The following ASB4 variants were observed in gnomAD, a reference collection of about 807,000 sequenced individuals.
The protein encoded by ASB4 is ankyrin repeat and SOCS box protein 4.
In ASB4, 35 loss-of-function variants were observed where a neutral mutation model predicts 38.6. The ratio of observed to expected loss-of-function variants is 0.91; its 90% confidence interval spans 0.69 to 1.20. ASB4 has a LOEUF of 1.20. Ranked by LOEUF, ASB4 falls within the 50% of genes most tolerant of loss-of-function variation. ASB4 has a pLI of 0.00. For synonymous variants in ASB4, 195 were observed against 201.3 expected (o/e 0.97, Z 0.26); for missense variants, 557 against 527.2 (o/e 1.06, Z -0.55).
rs187257110 is a variant in ASB4 at position 95,492,411 on chromosome 7, G to A, written c.188-3347G>A. Among the ~76,000 whole-genome samples the A allele has an allele frequency of 2.0e-5, 3 of 152,310 alleles. No individual in the cohort carries two copies. In the East Asian group the frequency reaches 5.8e-4, roughly 29 times the overall value. On this transcript the variant is annotated intron_variant, in intron 1 of 4. Transcript: ENST00000325885. ...TGTGATTTGTGAAGCAGGCTTGGAG[G>A]TAATTCTATTCTGCTTCCACAAAGA...
rs750696626 is a variant in ASB4, at chr7:95,528,251, A to C, written c.926A>C (p.Gln309Pro). 1.2e-6 allele frequency: 2 copies of C among 1,614,150 alleles called. No homozygotes were observed. ...GCTGCCCAGCCTGAGATCTGCTACC[A>C]GCTCCTGTTGAACCATGGGGCTGCC... ...RPAAQPEICY[Q>P]LLLNHGAARI... Residue 309 changes from glutamine to proline, a missense_variant, in exon 3 of 5, where the codon CAG (glutamine) becomes CCG (proline). Physicochemically the swap from Gln to Pro is moderately conservative, Grantham distance 76. Coordinates refer to ENST00000325885, the MANE Select transcript of ASB4 (RefSeq NM_016116.3).
chr7:95,545,727 A>G, the ASB4 span, among the ~76,000 whole-genome samples: 2 of 152,196 alleles, frequency 1.3e-5, no homozygotes, highest in Non-Finnish European at 2.9e-5. Flanking sequence ...CAAGAATAGC[A>G]TTTGTTGTCT....
At chr7:95,487,572 A>G (rs968251002) in intron 1 of ASB4, among the ~76,000 whole-genome samples, 2 of 152,206 alleles carry the variant, frequency 1.3e-5, no homozygotes, top group Non-Finnish European at 2.9e-5. Context: ...GATATAAGAA[A>G]CCAAGTTTTA....
At chr7:95,493,054 C>T (rs1790194682) in intron 1 of ASB4, among the ~76,000 whole-genome samples, 1 of 152,166 alleles carries the variant, frequency 6.6e-6, no homozygotes, top group African/African-American at 2.4e-5. Flanking sequence ...TGCTCCCCAG[C>T]CCAGACTGTC....
the ASB4 span, among the ~76,000 whole-genome samples, chr7:95,550,399 T>G: frequency 1.3e-5 from 2 of 151,750 alleles, no homozygotes; most frequent in African/African-American, 4.8e-5. Context: ...TATAAGAGAG[T>G]CTGATCAGTG....
chr7:95,498,409 A>G (rs1790282656), intron 2 of ASB4, among the ~76,000 whole-genome samples: 1 of 152,178 alleles, frequency 6.6e-6, no homozygotes. Context: ...TTGTAATGGT[A>G]TCTCATTGTT....
upstream of ASB4, among the ~76,000 whole-genome samples, chr7:95,476,518 T>A (rs565656082): frequency 6.6e-6 from 1 of 152,298 alleles, no homozygotes; most frequent in East Asian, 1.9e-4. Context: ...CCTGGAGCAA[T>A]CAAGGGGCAG....
intron 1 of ASB4, among the ~76,000 whole-genome samples, chr7:95,479,433 T>C (rs986718697): frequency 6.6e-6 from 1 of 152,208 alleles, no homozygotes; most frequent in Non-Finnish European, 1.5e-5. Flanking sequence ...GTATGCTTAG[T>C]CCACAGAATT....
chr7:95,502,476 A>G (rs1384421120), intron 2 of ASB4, among the ~76,000 whole-genome samples: 1 of 152,140 alleles, frequency 6.6e-6, no homozygotes, highest in Non-Finnish European at 1.5e-5. Context: ...TTAGGGACCA[A>G]TTCTAGGCAG....
chr7:95,548,517 GTTA>G, the ASB4 span, among the ~76,000 whole-genome samples: 3 of 152,152 alleles, frequency 2.0e-5, no homozygotes, highest in Admixed American at 2.0e-4. Context: ...AAACTTTTGT[GTTA>G]TTATTTGTAA....
At chr7:95,482,422 C>G (rs1790028359), upstream of ASB4, among the ~76,000 whole-genome samples, 1 of 152,146 alleles carries the variant, frequency 6.6e-6, no homozygotes. Flanking sequence ...TGGCCTTTGA[C>G]CTTGAGGGCC....
chr7:95,517,796 G>A (rs922393731), intron 2 of ASB4, among the ~76,000 whole-genome samples: 4 of 151,944 alleles, frequency 2.6e-5, no homozygotes, highest in African/African-American at 9.7e-5. Flanking sequence ...GTGAGACAGT[G>A]GATGTGGAAA....
At chr7:95,501,611 C>T (rs1790338517) in intron 2 of ASB4, among the ~76,000 whole-genome samples, 2 of 152,196 alleles carry the variant, frequency 1.3e-5, no homozygotes, top group Non-Finnish European at 2.9e-5. Context: ...ACTTATTCAT[C>T]ATCCGGTGTA....
intron 2 of ASB4, among the ~76,000 whole-genome samples, chr7:95,502,550 T>G (rs770594349): frequency 1.1e-4 from 16 of 152,114 alleles, no homozygotes; most frequent in Non-Finnish European, 1.9e-4. Context: ...AGATGTTATC[T>G]CTGAACTAGG....
At chr7:95,486,203 TA>T (rs761971361) in intron 1 of ASB4, 45 bp downstream of exon 1, 143 of 1,500,268 alleles carry the variant, frequency 9.5e-5, no homozygotes, top group Non-Finnish European at 1.2e-4. Flanking sequence ...GAAAATGATT[TA>T]AAAAAATGCA....
intron 2 of ASB4, among the ~76,000 whole-genome samples, chr7:95,516,976 T>A (rs1790592627): frequency 6.6e-6 from 1 of 152,218 alleles, no homozygotes; most frequent in Non-Finnish European, 1.5e-5. Flanking sequence ...TCTATCCAAC[T>A]ATATATAATC....
chr7:95,484,902 A>G (rs1443308123), upstream of ASB4, among the ~76,000 whole-genome samples: 1 of 151,758 alleles, frequency 6.6e-6, no homozygotes, highest in Non-Finnish European at 1.5e-5. Flanking sequence ...TAGATTCACC[A>G]AGTCTTTAAG....
chr7:95,472,561 A>G, the ASB4 span, among the ~76,000 whole-genome samples: 1 of 152,212 alleles, frequency 6.6e-6, no homozygotes, highest in South Asian at 2.1e-4. Flanking sequence ...GTGGATTTGC[A>G]TTTTACTGCA....
chr7:95,473,088 C>T, the ASB4 span, among the ~76,000 whole-genome samples: 1 of 152,048 alleles, frequency 6.6e-6, no homozygotes, highest in Non-Finnish European at 1.5e-5. Flanking sequence ...TGATTTTCTC[C>T]ACCAGGGAAG....
Sources: gnomAD v4.1 joint callset for allele counts (sites outside exome capture counted in the v4.1 genomes callset) on GRCh38, gnomAD v4.1.1 for gene constraint, MANE v1.5 for transcripts, NCBI Gene and HGNC (gene_info 2026-07-23, HGNC 2026-07-21) for gene names.